Variants in CAPRIN1 observed in about 807,000 individuals in gnomAD.
CAPRIN1 encodes caprin-1.
In CAPRIN1, 29 loss-of-function variants were observed where a neutral mutation model predicts 100.9. The observed-to-expected ratio is 0.29, with a 90% CI of 0.21 to 0.39. The LOEUF (loss-of-function observed/expected upper bound fraction) is 0.39, where lower values mean the gene tolerates loss of function less well. Among genes scored for constraint, CAPRIN1 ranks in the 10% least tolerant of loss-of-function variants. CAPRIN1 has a pLI of 1.00. For missense variants in CAPRIN1, 795 were observed against 876.7 expected (o/e 0.91, Z 1.18); for synonymous variants, 338 against 307.5 (o/e 1.10, Z -1.04).
At position 34,071,884 on chromosome 11, in the gene CAPRIN1, G is replaced by A. The variant is rs1276937513; in HGVS notation, c.280-17G>A. On this transcript the variant is annotated splice_polypyrimidine_tract_variant and intron_variant, in intron 3 of 18. Transcript: ENST00000341394. ...TTTTTGTCTTTCCAGTAAAGTTTGG[G>A]TTCTTTGTCATTTTAGGATGCCGTT... 6.2e-7 allele frequency: 1 copy of A among 1,607,880 alleles called. No individual in the cohort carries two copies.
intron 12 of CAPRIN1, among the ~76,000 whole-genome samples, chr11:34,089,732 T>C (rs1851227093): frequency 6.6e-6 from 1 of 152,180 alleles, no homozygotes; most frequent in Admixed American, 6.5e-5. Context: ...TCAGCAAATT[T>C]ATTGTTGTGG....
chr11:34,060,404 A>G (rs940161807), intron 2 of CAPRIN1, among the ~76,000 whole-genome samples: 4 of 152,082 alleles, frequency 2.6e-5, no homozygotes, highest in African/African-American at 9.7e-5. Flanking sequence ...CAGCAGGGCA[A>G]TCATAGCTCA....
At chr11:34,079,866 A>G in intron 7 of CAPRIN1, 101 bp downstream of exon 7, 1 of 1,024,796 alleles carries the variant, frequency 9.8e-7, no homozygotes, top group Non-Finnish European at 1.4e-6. Flanking sequence ...ATATATGTAC[A>G]CTAGATTTTA....
At chr11:34,080,017 G>T (rs1405114926) in intron 7 of CAPRIN1, among the ~76,000 whole-genome samples, 1 of 147,664 alleles carries the variant, frequency 6.8e-6, no homozygotes, top group Non-Finnish European at 1.5e-5. Flanking sequence ...TCCGCCTCCT[G>T]GGTTCACGCC....
intron 2 of CAPRIN1, chr11:34,063,389 A>G (rs142221010): frequency 1.1e-4 from 17 of 152,324 alleles, no homozygotes; most frequent in East Asian, 7.7e-4. Flanking sequence ...GTGTCTTTCA[A>G]TTTACAGTTA....
intron 15 of CAPRIN1, 104 bp from the exon 16 acceptor site, chr11:34,096,375 C>G: frequency 1.4e-6 from 1 of 737,694 alleles, no homozygotes; most frequent in Non-Finnish European, 2.2e-6. Context: ...AAGGATTAAA[C>G]TTTAAGGAGA....
At chr11:34,080,767 C>T (rs1021944831) in intron 7 of CAPRIN1, among the ~76,000 whole-genome samples, 2 of 152,190 alleles carry the variant, frequency 1.3e-5, no homozygotes, top group African/African-American at 4.8e-5. Context: ...AACTCTTGTA[C>T]CTCAGGTTCC....
At chr11:34,079,789 T>G (rs1850976034) in intron 7 of CAPRIN1, 24 bp downstream of exon 7, 1 of 1,601,018 alleles carries the variant, frequency 6.2e-7, no homozygotes. Flanking sequence ...GGATATCAAC[T>G]TTAGTTTAGG....
At chr11:34,076,783 G>C in intron 6 of CAPRIN1, 141 bp downstream of exon 6, 1 of 636,970 alleles carries the variant, frequency 1.6e-6, no homozygotes, top group Admixed American at 2.9e-5. Context: ...GCCCAGGTTG[G>C]AGTGTAGTAG....
At chr11:34,052,269 T>G in intron 1 of CAPRIN1, 152 bp from the exon 2 acceptor site, 1 of 625,610 alleles carries the variant, frequency 1.6e-6, no homozygotes, top group Non-Finnish European at 2.7e-6. Context: ...GCACTCTTCC[T>G]GCCCTCGAGG....
intron 2 of CAPRIN1, among the ~76,000 whole-genome samples, chr11:34,070,797 G>A (rs928299160): frequency 2.0e-5 from 3 of 152,002 alleles, no homozygotes; most frequent in Non-Finnish European, 4.4e-5. Context: ...CTGCCTCTTG[G>A]GTTCAAGTGA....
chr11:34,092,896 G>A (rs1341047258), intron 15 of CAPRIN1, among the ~76,000 whole-genome samples: 1 of 151,966 alleles, frequency 6.6e-6, no homozygotes, highest in East Asian at 1.9e-4. Context: ...TTTGTTGCCC[G>A]GGCTGGAGTG....
intron 11 of CAPRIN1, among the ~76,000 whole-genome samples, chr11:34,088,105 G>A (rs1590742499): frequency 6.6e-6 from 1 of 151,920 alleles, no homozygotes; most frequent in South Asian, 2.1e-4. Flanking sequence ...CGGGTTCAAG[G>A]GATTCTCCTG....
At chr11:34,099,218 G>A in intron 18 of CAPRIN1, 85 bp from the exon 19 acceptor site, 1 of 1,558,034 alleles carries the variant, frequency 6.4e-7, no homozygotes. Flanking sequence ...CTGCCCACAT[G>A]CTTCTTGACT....
intron 4 of CAPRIN1, among the ~76,000 whole-genome samples, chr11:34,073,245 C>T (rs574484491): frequency 1.3e-5 from 2 of 152,218 alleles, no homozygotes; most frequent in African/African-American, 2.4e-5. Flanking sequence ...GTAGTTTGAC[C>T]ATGGATGAGT....
chr11:34,052,947 C>G, intron 2 of CAPRIN1: 1 of 1,210,526 alleles, frequency 8.3e-7, no homozygotes, highest in South Asian at 1.9e-5. Flanking sequence ...GGGGGCCTGT[C>G]GTCAGGACTT....
rs1210226626 is a variant in CAPRIN1, at chr11:34,100,346, G to A, written c.*979G>A. Reference sequence around the variant, plus strand: ...TCAGCTTGAAAGCTTTTTTTTAAAAGGAAAAGATACCAAATGCCTGCTGCT... The same window carrying A: ...TCAGCTTGAAAGCTTTTTTTTAAAAAGAAAAGATACCAAATGCCTGCTGCT... On this transcript the variant is annotated 3_prime_UTR_variant, in exon 19 of 19. Transcript: ENST00000341394. The A allele has an allele frequency of 1.3e-5, 2 of 152,084 alleles. No homozygotes were observed. The highest frequency in any genetic ancestry group is 2.9e-5 in the Non-Finnish European group (2 of 68,000). 9.4% of individuals were successfully genotyped at this position (152,084 alleles called of 1,614,324 possible). A position where few individuals can be genotyped will look rare whatever the true frequency, so the allele number is the denominator to read the frequency against.
chr11:34,053,192 C>G (rs964362783), intron 2 of CAPRIN1: 1 of 982,374 alleles, frequency 1.0e-6, no homozygotes, highest in Non-Finnish European at 1.2e-6. Flanking sequence ...TAAGGTAGAA[C>G]TGCCTTTCCG....
At position 34,051,856 on chromosome 11, in the gene CAPRIN1, C is replaced by T. The variant is rs1850309533; in HGVS notation, c.-16C>T. ...GCTGCCCACTCGTGATTTCCAGCGG[C>T]CTCCGCGCGCGCACGGTGAGCGCCA... On this transcript the variant is annotated 5_prime_UTR_variant, in exon 1 of 19. Coordinates refer to ENST00000341394, the MANE Select transcript of CAPRIN1 (RefSeq NM_005898.5). 1 of 152,656 alleles carries T rather than the reference C, an allele frequency of 6.6e-6. No individual in the cohort carries two copies. The highest frequency in any genetic ancestry group is 1.5e-5 in the Non-Finnish European group (1 of 68,434). 9.5% of individuals were successfully genotyped at this position (152,656 alleles called of 1,614,324 possible).
Sources: allele counts gnomAD v4.1 joint callset (sites outside exome capture counted in the v4.1 genomes callset), GRCh38; gene constraint gnomAD v4.1.1; transcripts MANE v1.5; gene names NCBI Gene and HGNC (gene_info 2026-07-23, HGNC 2026-07-21).